Variants in C10orf67 observed in about 807,000 individuals in gnomAD.
C10orf67 encodes chromosome 10 open reading frame 67.
C10orf67 carries 60 observed loss-of-function variants against 35.6 expected under a neutral mutation model. That is an observed-to-expected ratio of 1.68 (90% CI 1.37 to 2.09). The LOEUF is 2.09. Among genes scored for constraint, C10orf67 ranks in the 30% most tolerant of loss-of-function variants. C10orf67 has a pLI of 0.00. For synonymous variants in C10orf67, 167 were observed against 115.8 expected (o/e 1.44, Z -2.84); for missense variants, 474 against 330.2 (o/e 1.44, Z -3.38).
chr10:23,254,709 G>C (rs1842553633), intron 10 of C10orf67, among the ~76,000 whole-genome samples: 1 of 152,040 alleles, frequency 6.6e-6, no homozygotes. Flanking sequence ...AATTAGAATA[G>C]TAGCCAGGGT....
chr10:23,343,325 T>C (rs1845986198), intron 1 of C10orf67, among the ~76,000 whole-genome samples: 1 of 151,898 alleles, frequency 6.6e-6, no homozygotes, highest in African/African-American at 2.4e-5. Flanking sequence ...GTGGGGGACG[T>C]GGGGGAAAAC....
rs577938987 is a variant in C10orf67 at position 23,242,316 on chromosome 10, C to T, written c.1347-2500G>A. On this transcript the variant is annotated intron_variant, in intron 12 of 15. Coordinates refer to ENST00000636213, the MANE Select transcript of C10orf67 (RefSeq NM_001371909.1). ...AAAAAATAACTGCCAAGATAGAACC[C>T]TATACTTGGCAAAAACTTTCTTCAA... 1.2e-3 allele frequency among the ~76,000 whole-genome samples: 178 copies of T among 152,150 alleles called. 1 individual carries two copies. The highest frequency in any genetic ancestry group is 4.1e-3 in the African/African-American group (170 of 41,506).
intron 1 of C10orf67, among the ~76,000 whole-genome samples, chr10:23,335,069 TC>T (rs1275871599): frequency 6.6e-5 from 10 of 151,696 alleles, no homozygotes; most frequent in African/African-American, 2.4e-4. Context: ...GTGCCTGTAA[TC>T]CCAGCTACTC....
chr10:23,239,806 G>A lies in C10orf67; in HGVS notation c.1357C>T (p.Leu453Phe), dbSNP rs779268711. The change falls in exon 13 of 16, where the codon CTT (leucine) becomes TTT (phenylalanine). Residue 453 changes from leucine (L) to phenylalanine (F), a missense_variant. Leu to Phe is a conservative substitution (Grantham distance 22, BLOSUM62 0). Transcript: ENST00000636213. ...FFILRNSFHV[L>F]KNEMFTRHTL... ...TGCCTTGTAAACATCTCATTCTTAA[G>A]GACATGAAAGCTGAAATTTTAAAAA... 10 of 614,454 alleles carry A rather than the reference G, an allele frequency of 1.6e-5. No individual in the cohort carries two copies. Among genetic ancestry groups the A allele is most frequent in the East Asian group, 1.1e-4 (4 of 35,976 alleles). 38.1% of individuals were successfully genotyped at this position (614,454 alleles called of 1,614,324 possible).
chr10:23,250,933 AC>A, intron 10 of C10orf67, among the ~76,000 whole-genome samples: 1 of 152,218 alleles, frequency 6.6e-6, no homozygotes, highest in Non-Finnish European at 1.5e-5. Flanking sequence ...CCTTGTCTCT[AC>A]AAAAAATTAA....
At chr10:23,297,174 G>A (rs532120694) in intron 5 of C10orf67, among the ~76,000 whole-genome samples, 1 of 151,852 alleles carries the variant, frequency 6.6e-6, no homozygotes, top group Admixed American at 6.6e-5. Context: ...CTAATGGAGG[G>A]TCCTTCCTTG....
In C10orf67 at chr10:23,231,195, A is replaced by G. The variant is rs186804305; in HGVS notation, c.1435-7377T>C. ...TCAAACTCTTGGGCTTTAGTTAGGT[A>G]TTTGGCTGCATAGACAGAGAGCACC... On this transcript the variant is annotated intron_variant, in intron 13 of 15. Transcript: ENST00000636213. Among the ~76,000 whole-genome samples the G allele has an allele frequency of 6.6e-5, 10 of 152,072 alleles. 1 individual carries two copies. Among genetic ancestry groups the G allele is most frequent in the Admixed American group, 4.6e-4 (7 of 15,284 alleles).
chr10:23,277,169 G>T (rs570888718), intron 8 of C10orf67, among the ~76,000 whole-genome samples: 25 of 152,278 alleles, frequency 1.6e-4, no homozygotes, highest in African/African-American at 5.8e-4. Context: ...GAGTTTTTCA[G>T]AAGCTACGTG....
At chr10:23,235,700 C>A (rs888888556) in intron 13 of C10orf67, among the ~76,000 whole-genome samples, 1 of 152,068 alleles carries the variant, frequency 6.6e-6, no homozygotes, top group African/African-American at 2.4e-5. Context: ...TAAGTAGATC[C>A]TTCAAAAAAG....
intron 13 of C10orf67, among the ~76,000 whole-genome samples, chr10:23,224,642 C>T (rs986349838): frequency 7.2e-5 from 11 of 152,068 alleles, no homozygotes; most frequent in East Asian, 1.9e-4. Context: ...AAAGATGAGA[C>T]GAATGGCTAA....
chr10:23,216,986 C>T (rs1217528035), intron 15 of C10orf67, among the ~76,000 whole-genome samples: 1 of 152,070 alleles, frequency 6.6e-6, no homozygotes, highest in Non-Finnish European at 1.5e-5. Context: ...CTCTATATTC[C>T]CTTAATATCT....
intron 3 of C10orf67, 143 bp downstream of exon 3, chr10:23,322,251 G>T: frequency 4.0e-6 from 3 of 749,892 alleles, no homozygotes; most frequent in Non-Finnish European, 6.1e-6. Context: ...ACATAGTGAA[G>T]CTCTGTGTAT....
In C10orf67 at chr10:23,224,675, G is replaced by A. The variant is rs1414691081; in HGVS notation, c.1435-857C>T. On this transcript the variant is annotated intron_variant, in intron 13 of 15. Transcript: ENST00000636213. ...TAACTAGAATAACTAGTGTAGAGAA[G>A]TCCTTAAAGGACGTGATGGAGCTGA... Among the ~76,000 whole-genome samples the A allele has an allele frequency of 2.0e-5, 3 of 152,236 alleles. No individual in the cohort carries two copies. The East Asian group carries it at 5.8e-4, about 29-fold the overall frequency.
At chr10:23,335,776 G>C (rs796385094) in intron 1 of C10orf67, among the ~76,000 whole-genome samples, 2 of 152,204 alleles carry the variant, frequency 1.3e-5, no homozygotes, top group African/African-American at 4.8e-5. Context: ...CTGAGGTAGT[G>C]GTGAGCCTCA....
intron 13 of C10orf67, among the ~76,000 whole-genome samples, chr10:23,234,673 T>A (rs548797090): frequency 6.6e-6 from 1 of 151,608 alleles, no homozygotes; most frequent in South Asian, 2.1e-4. Flanking sequence ...CCTCTGAACT[T>A]CAAATATAAG....
chr10:23,212,185 C>T (rs1841327199), intron 15 of C10orf67, among the ~76,000 whole-genome samples: 1 of 152,180 alleles, frequency 6.6e-6, no homozygotes, highest in African/African-American at 2.4e-5. Context: ...GTAAAGGAAA[C>T]TCAGGGCTAC....
intron 4 of C10orf67, among the ~76,000 whole-genome samples, chr10:23,320,445 A>G (rs1277577394): frequency 6.6e-6 from 1 of 152,238 alleles, no homozygotes; most frequent in Non-Finnish European, 1.5e-5. Flanking sequence ...ACTCTCTCTT[A>G]GGACCATCTG....
chr10:23,254,356 T>G (rs992925430), intron 10 of C10orf67, among the ~76,000 whole-genome samples: 1 of 152,044 alleles, frequency 6.6e-6, no homozygotes, highest in Non-Finnish European at 1.5e-5. Context: ...TACAGGTGCC[T>G]GCCACCACCC....
chr10:23,344,299 G>A (rs1220084982), intron 1 of C10orf67: 5 of 504,242 alleles, frequency 9.9e-6, no homozygotes, highest in Middle Eastern at 5.4e-4. Context: ...GGGGAAGGGG[G>A]AAGAGATGGA....
Sources: gnomAD v4.1 joint callset for allele counts (sites outside exome capture counted in the v4.1 genomes callset) on GRCh38, gnomAD v4.1.1 for gene constraint, MANE v1.5 for transcripts, NCBI Gene and HGNC (gene_info 2026-07-23, HGNC 2026-07-21) for gene names.